Variants in P3H2 observed in about 807,000 individuals in gnomAD.
P3H2 encodes prolyl 3-hydroxylase 2.
In P3H2, 80 loss-of-function variants were observed where a neutral mutation model predicts 87.0. The ratio of observed to expected loss-of-function variants is 0.92; its 90% CI spans 0.77 to 1.11. The LOEUF (loss-of-function observed/expected upper bound fraction) is 1.11, where lower values mean the gene tolerates loss of function less well. Ranked by LOEUF, P3H2 falls within the 50% of genes least tolerant of loss-of-function variation. The probability of loss-of-function intolerance (pLI) is 0.00; values close to 1 mark genes in which losing one functional copy is unlikely to be tolerated. For synonymous variants in P3H2, 367 were observed against 359.3 expected (o/e 1.02, Z -0.24); for missense variants, 1,001 against 923.9 (o/e 1.08, Z -1.08).
intron 8 of P3H2, among the ~76,000 whole-genome samples, chr3:189,977,130 A>G (rs1356612235): frequency 2.0e-5 from 3 of 152,090 alleles, no homozygotes; most frequent in African/African-American, 7.2e-5. Flanking sequence ...TGCAATGATC[A>G]TTGCCTCCCA....
At chr3:190,073,009 A>G (rs1252140651) in intron 1 of P3H2, among the ~76,000 whole-genome samples, 1 of 152,220 alleles carries the variant, frequency 6.6e-6, no homozygotes, top group African/African-American at 2.4e-5. Context: ...TATCTCCTGT[A>G]CCATTTTAAC....
chr3:190,001,058 T>C (rs981436783), intron 1 of P3H2, among the ~76,000 whole-genome samples: 1 of 152,194 alleles, frequency 6.6e-6, no homozygotes, highest in African/African-American at 2.4e-5. Flanking sequence ...TCTCTTCGTC[T>C]ATTTTGCCCA....
intron 1 of P3H2, among the ~76,000 whole-genome samples, chr3:190,014,794 C>T (rs552634220): frequency 5.9e-5 from 9 of 152,148 alleles, no homozygotes; most frequent in South Asian, 4.2e-4. Flanking sequence ...CCATACTCCC[C>T]GGCTGGTGCC....
intron 1 of P3H2, among the ~76,000 whole-genome samples, chr3:190,062,129 T>G (rs1342218267): frequency 6.6e-6 from 1 of 152,158 alleles, no homozygotes; most frequent in Non-Finnish European, 1.5e-5. Context: ...CTAGCCTTCT[T>G]AATCCTTCAT....
chr3:190,052,842 G>A (rs539681274), intron 1 of P3H2, among the ~76,000 whole-genome samples: 20 of 152,218 alleles, frequency 1.3e-4, no homozygotes, highest in African/African-American at 4.3e-4. Context: ...TCCACACAGC[G>A]ATCAAGACAA....
intron 13 of P3H2, chr3:189,969,503 C>G: frequency 9.7e-7 from 1 of 1,031,770 alleles, no homozygotes; most frequent in Non-Finnish European, 1.5e-6. Context: ...GGACTGAGGT[C>G]TCATACTGGT....
At chr3:189,984,458 C>A (rs1723630661) in intron 7 of P3H2, 92 bp downstream of exon 7, 2 of 947,020 alleles carry the variant, frequency 2.1e-6, no homozygotes, top group East Asian at 2.4e-5. Flanking sequence ...TATCTCCTTG[C>A]CTATTTCATA....
chr3:189,975,536 A>T (rs1479253949), intron 8 of P3H2, among the ~76,000 whole-genome samples: 1 of 152,170 alleles, frequency 6.6e-6, no homozygotes, highest in Non-Finnish European at 1.5e-5. Flanking sequence ...CACTGCTTCT[A>T]ACCATTTATA....
At chr3:190,015,574 T>A (rs551854278) in intron 1 of P3H2, among the ~76,000 whole-genome samples, 1 of 152,148 alleles carries the variant, frequency 6.6e-6, no homozygotes, top group East Asian at 1.9e-4. Context: ...CCCTCAATCA[T>A]CTTCTTTCGA....
In P3H2 at chr3:189,987,687, T is replaced by C; in HGVS notation, c.956-18A>G. Reference sequence around the variant, plus strand: ...CTCACCAACTGAAAGACAAAGGAGTTGCAGCATTAGAGTCAGCCTAGGTCT... The same window carrying C: ...CTCACCAACTGAAAGACAAAGGAGTCGCAGCATTAGAGTCAGCCTAGGTCT... On this transcript the variant is annotated intron_variant, in intron 4 of 14. Coordinates refer to ENST00000319332, the MANE Select transcript of P3H2 (RefSeq NM_018192.4). The C allele has an allele frequency of 1.2e-6, 2 of 1,613,914 alleles. No homozygotes were observed. The highest frequency in any genetic ancestry group is 4.5e-5 in the East Asian group (2 of 44,868).
intron 14 of P3H2, among the ~76,000 whole-genome samples, chr3:189,960,301 ATTAT>A (rs763504645): frequency 9.9e-5 from 15 of 151,998 alleles, no homozygotes; most frequent in East Asian, 1.9e-4. Flanking sequence ...AAATCTCTCG[ATTAT>A]TTATTTATTT....
At chr3:190,072,199 G>C (rs1182745143) in intron 1 of P3H2, among the ~76,000 whole-genome samples, 2 of 151,922 alleles carry the variant, frequency 1.3e-5, no homozygotes, top group African/African-American at 4.8e-5. Context: ...CTAATTTTTT[G>C]AATTTTTAGT....
At chr3:189,995,183 G>T in intron 2 of P3H2, 107 bp downstream of exon 2, 1 of 1,029,292 alleles carries the variant, frequency 9.7e-7, no homozygotes, top group Non-Finnish European at 1.4e-6. Flanking sequence ...ACTAAAATTT[G>T]AGAATAAACT....
In P3H2 at chr3:189,957,582, C is replaced by T. The variant is rs563928163; in HGVS notation, c.*330G>A. ...GCACGTGCCTGTGGTCCCAGCTCCC[C>T]GGGAGGCTTGAAGGATCGCCTGAGC... On this transcript the variant is annotated 3_prime_UTR_variant, in exon 15 of 15. Coordinates refer to ENST00000319332, the MANE Select transcript of P3H2 (RefSeq NM_018192.4). 11 of 410,234 alleles carry T rather than the reference C, an allele frequency of 2.7e-5. No homozygotes were observed. The highest frequency in any genetic ancestry group is 2.4e-4 in the East Asian group (5 of 20,626). 25.4% of individuals were successfully genotyped at this position (410,234 alleles called of 1,614,324 possible). A position where few individuals can be genotyped will look rare whatever the true frequency, so the allele number is the denominator to read the frequency against.
chr3:189,997,352 A>G (rs772058961), intron 1 of P3H2, among the ~76,000 whole-genome samples: 6 of 152,250 alleles, frequency 3.9e-5, no homozygotes, highest in African/African-American at 7.2e-5. Flanking sequence ...AAAAATTCAC[A>G]TTAGTTATCG....
chr3:190,003,322 G>A lies in P3H2; in HGVS notation c.481-7880C>T, dbSNP rs546520223. Reference sequence around the variant, plus strand: ...TAATGGTGAATAGCCATGGCCAAATGAGGATACTCTTAGGAGCTCCGTGAA... The same window carrying A: ...TAATGGTGAATAGCCATGGCCAAATAAGGATACTCTTAGGAGCTCCGTGAA... On this transcript the variant is annotated intron_variant, in intron 1 of 14. Transcript: ENST00000319332. 7.9e-5 allele frequency among the ~76,000 whole-genome samples: 12 copies of A among 152,238 alleles called. No homozygotes were observed. The East Asian group carries it at 2.3e-3, about 29-fold the overall frequency.
intron 1 of P3H2, among the ~76,000 whole-genome samples, chr3:190,107,064 A>AT (rs780289548): frequency 5.3e-5 from 8 of 152,128 alleles, no homozygotes; most frequent in Non-Finnish European, 1.2e-4. Flanking sequence ...TCATTTTGCT[A>AT]TTTCAGGTTT....
chr3:190,013,085 C>A (rs1459295199), intron 1 of P3H2, among the ~76,000 whole-genome samples: 2 of 152,158 alleles, frequency 1.3e-5, no homozygotes, highest in Non-Finnish European at 2.9e-5. Flanking sequence ...CCTGGATGGG[C>A]TACTGTGGAC....
intron 1 of P3H2, among the ~76,000 whole-genome samples, chr3:190,111,958 T>C (rs910059222): frequency 1.3e-5 from 2 of 152,118 alleles, no homozygotes; most frequent in African/African-American, 4.8e-5. Context: ...AAATCGTTAA[T>C]GTCCCTAGGG....
Sources: gnomAD v4.1 joint callset for allele counts (sites outside exome capture counted in the v4.1 genomes callset) on GRCh38, gnomAD v4.1.1 for gene constraint, MANE v1.5 for transcripts, NCBI Gene and HGNC (gene_info 2026-07-23, HGNC 2026-07-21) for gene names.